DOCK5: variants seen among roughly 807,000 people sequenced by gnomAD.
The protein encoded by DOCK5 is dedicator of cytokinesis protein 5.
Under a neutral mutation model 251.8 loss-of-function variants are expected in DOCK5, and 142 were observed. The observed-to-expected ratio is 0.56, with a 90% CI of 0.49 to 0.65. The LOEUF (loss-of-function observed/expected upper bound fraction) is 0.65. Among genes scored for constraint, DOCK5 ranks in the 30% least tolerant of loss-of-function variants. The probability of loss-of-function intolerance (pLI) is 0.00; values close to 1 mark genes in which losing one functional copy is unlikely to be tolerated. For synonymous variants in DOCK5, 842 were observed against 835.5 expected (o/e 1.01, Z -0.13); for missense variants, 2,111 against 2,312.3 (o/e 0.91, Z 1.79).
At chr8:25,345,230 C>T (rs1043700734) in intron 25 of DOCK5, among the ~76,000 whole-genome samples, 4 of 151,426 alleles carry the variant, frequency 2.6e-5, no homozygotes. Flanking sequence ...TGCTAAGTTC[C>T]CACCTTCACC....
At chr8:25,277,400 G>T (rs1301034305) in intron 4 of DOCK5, 2 of 152,480 alleles carry the variant, frequency 1.3e-5, no homozygotes, top group East Asian at 3.9e-4. Context: ...TGAAACTGTT[G>T]CTGGGTCAAG....
At chr8:25,307,180 C>T (rs1050091822) in intron 11 of DOCK5, among the ~76,000 whole-genome samples, 3 of 151,372 alleles carry the variant, frequency 2.0e-5, no homozygotes, top group Non-Finnish European at 4.4e-5. Context: ...AATGCAGTGG[C>T]GTGATCTCCG....
rs78088931 is a variant in DOCK5, at chr8:25,319,285, A to T, written c.1444-293A>T. ...CTGAGAGAGAAGAGGAAAGAATCAG[A>T]GGAGAATGCATGCCTGGGGAGGGAA... On this transcript the variant is annotated intron_variant, in intron 14 of 51. Transcript: ENST00000276440. Among the ~76,000 whole-genome samples, 17 of 152,334 alleles carry T rather than the reference A, an allele frequency of 1.1e-4. No homozygotes were observed. In the East Asian group the frequency reaches 2.3e-3, roughly 21 times the overall value.
intron 47 of DOCK5, among the ~76,000 whole-genome samples, chr8:25,402,292 TA>T (rs1322890717): frequency 6.6e-6 from 1 of 151,954 alleles, no homozygotes; most frequent in Non-Finnish European, 1.5e-5. Flanking sequence ...CACACCCAGC[TA>T]ATTTTTTTTT....
chr8:25,408,920 C>T lies in DOCK5; in HGVS notation c.5384C>T (p.Pro1795Leu), dbSNP rs148999810. ...CCCTTGAGCCCACCTCCACTCACTC[C>T]CAAAGCCACCAGGACCCTAAGTAAG... ...STPLSPPPLT[P>L]KATRTLSSPS... is the part of the protein sequence containing the mutation. Residue 1795 changes from proline (P) to leucine (L), a missense_variant, in exon 50 of 52, where the codon CCC becomes CTC. Pro to Leu is a moderately conservative substitution (Grantham distance 98). Coordinates refer to ENST00000276440, the MANE Select transcript of DOCK5 (RefSeq NM_024940.8). The T allele has an allele frequency of 6.2e-7, 1 of 1,613,944 alleles. No individual in the cohort carries two copies. Among genetic ancestry groups the T allele is most frequent in the African/African-American group, 1.3e-5 (1 of 75,022 alleles).
chr8:25,323,766 G>A lies in DOCK5; in HGVS notation c.1616-82G>A, dbSNP rs886219407. ...GAATATGGTTGAACGCTGCACCCCCGAGCAAAATGTGAAATCGTGTCATAG... is the reference window on the plus strand; with the variant it reads ...GAATATGGTTGAACGCTGCACCCCCAAGCAAAATGTGAAATCGTGTCATAG... On this transcript the variant is annotated intron_variant, in intron 16 of 51. Transcript: ENST00000276440. 3.0e-5 allele frequency: 45 copies of A among 1,482,982 alleles called. No individual in the cohort carries two copies. The African/African-American group carries it at 4.6e-4, about 15-fold the overall frequency. 91.9% of individuals were successfully genotyped at this position (1,482,982 alleles called of 1,614,324 possible).
At chr8:25,219,000 T>C (rs1802317067) in intron 1 of DOCK5, among the ~76,000 whole-genome samples, 1 of 152,204 alleles carries the variant, frequency 6.6e-6, no homozygotes, top group Admixed American at 6.5e-5. Context: ...TTAAAGAGGA[T>C]TCTTTTGGTA....
chr8:25,278,821 C>G (rs1004724945), intron 5 of DOCK5, among the ~76,000 whole-genome samples, 156 bp downstream of exon 5: 1 of 152,146 alleles, frequency 6.6e-6, no homozygotes, highest in Non-Finnish European at 1.5e-5. Flanking sequence ...ATTCTCATTT[C>G]CCCAGAGCTG....
chr8:25,296,468 C>A, intron 6 of DOCK5, 45 bp from the exon 7 acceptor site: 1 of 1,581,882 alleles, frequency 6.3e-7, no homozygotes, highest in South Asian at 1.2e-5. Flanking sequence ...AGTAAAAAGT[C>A]TGCCCCTGGT....
intron 33 of DOCK5, among the ~76,000 whole-genome samples, chr8:25,369,314 C>T (rs1800832539): frequency 6.6e-6 from 1 of 152,140 alleles, no homozygotes; most frequent in South Asian, 2.1e-4. Context: ...TAACAGAAAG[C>T]AATGTTTTGG....
At chr8:25,387,304 GAGGAGGTGGGATTAC>G in intron 40 of DOCK5, among the ~76,000 whole-genome samples, 2 of 151,878 alleles carry the variant, frequency 1.3e-5, no homozygotes, top group African/African-American at 4.8e-5. Context: ...TCAGCCTCCT[GAGGAGGTGGGATTAC>G]AGGTGTGCAC....
At chr8:25,270,714 C>G in intron 3 of DOCK5, 1 of 640,224 alleles carries the variant, frequency 1.6e-6, no homozygotes. Flanking sequence ...ATGTAAGGAT[C>G]CTTTTGAACA....
Position 25,184,766 on chromosome 8 carries a change from G to A in DOCK5, c.-143G>A. The A allele has an allele frequency of 1.4e-6, 1 of 711,350 alleles. No homozygotes were observed. The highest frequency in any genetic ancestry group is 1.9e-6 in the Non-Finnish European group (1 of 526,976). 44.1% of individuals were successfully genotyped at this position (711,350 alleles called of 1,614,324 possible). A position where few individuals can be genotyped will look rare whatever the true frequency, so the allele number is the denominator to read the frequency against. ...GGCACGGGCGCGGGCGGCGCGGCGA[G>A]GAGGCGGCCCGCGGAGTCCAGCGAA... On this transcript the variant is annotated 5_prime_UTR_variant, in exon 1 of 52. Transcript: ENST00000276440.
intron 9 of DOCK5, among the ~76,000 whole-genome samples, chr8:25,301,409 C>T (rs1804759575): frequency 6.6e-6 from 1 of 152,076 alleles, no homozygotes. Flanking sequence ...ATTACAGGGG[C>T]TGGATTTGGA....
chr8:25,382,647 C>T, intron 39 of DOCK5, 27 bp from the exon 40 acceptor site: 1 of 1,561,818 alleles, frequency 6.4e-7, no homozygotes, highest in South Asian at 1.2e-5. Flanking sequence ...ATAACCTCCC[C>T]TTGGAATGTC....
rs563210726 is a variant in DOCK5 at position 25,391,637 on chromosome 8, CAA to C, written c.4356-257_4356-256del. On this transcript the variant is annotated intron_variant, in intron 42 of 51. Transcript: ENST00000276440. ...TGGGTGACAGAGTTAGACTCTGACTCAAAGTAGATAAATAAATAAAAATAAAT... is the reference window on the plus strand; with the variant it reads ...TGGGTGACAGAGTTAGACTCTGACTCAGTAGATAAATAAATAAAAATAAAT... Among the ~76,000 whole-genome samples, 9 of 151,630 alleles carry C rather than the reference CAA, an allele frequency of 5.9e-5. No homozygotes were observed. In the South Asian group the frequency reaches 1.9e-3, roughly 32 times the overall value.
chr8:25,343,292 A>C (rs1289708498), intron 25 of DOCK5, among the ~76,000 whole-genome samples: 1 of 152,152 alleles, frequency 6.6e-6, no homozygotes, highest in Non-Finnish European at 1.5e-5. Flanking sequence ...TACAGGCATA[A>C]TTACCGTGCC....
intron 3 of DOCK5, among the ~76,000 whole-genome samples, chr8:25,274,552 T>C (rs1396828465): frequency 6.6e-6 from 1 of 152,196 alleles, no homozygotes; most frequent in East Asian, 1.9e-4. Flanking sequence ...CTCTTTCTCT[T>C]AGGTCTTTCC....
Position 25,296,538 on chromosome 8 carries a change from C to G in DOCK5, c.496C>G (p.Arg166Gly), listed in dbSNP as rs770043731. 6.2e-7 allele frequency: 1 copy of G among 1,610,542 alleles called. No homozygotes were observed. The highest frequency in any genetic ancestry group is 8.5e-7 in the Non-Finnish European group (1 of 1,178,502). Residue 166 changes from arginine to glycine, a missense_variant, in exon 7 of 52, where the codon CGA becomes GGA. By Grantham distance (125) the Arg-to-Gly change is moderately radical. This residue lies in a region of DOCK5 where 335 missense variants were observed against 324.9 expected (regional missense o/e 1.03). Coordinates refer to ENST00000276440, the MANE Select transcript of DOCK5 (RefSeq NM_024940.8). ...AATGCTGGGGTTAGATCTGGTGGTG[C>G]GAGATGACAATGGGAACATCCTAGA... ...NRMLGLDLVVRDDNGNILDPD... is the reference protein window; with the variant it reads ...NRMLGLDLVVGDDNGNILDPD...
Sources: gnomAD v4.1 joint callset for allele counts (sites outside exome capture counted in the v4.1 genomes callset) on GRCh38, gnomAD v4.1.1 for gene constraint, gnomAD v4.1.1 regional missense constraint, MANE v1.5 for transcripts, NCBI Gene and HGNC (gene_info 2026-07-23, HGNC 2026-07-21) for gene names.